The following PLBD1 variants were observed in gnomAD, a reference collection of about 807,000 sequenced individuals.
PLBD1 encodes lysosomal leucine aminopeptidase.
Under a neutral mutation model 63.0 loss-of-function variants are expected in PLBD1, and 60 were observed. That is an observed-to-expected ratio of 0.95 (90% CI 0.77 to 1.18). The LOEUF is 1.18. PLBD1 is among the 50% of genes most tolerant of loss of function. The pLI is 0.00. For synonymous variants in PLBD1, 262 were observed against 248.0 expected (o/e 1.06, Z -0.53); for missense variants, 598 against 677.9 (o/e 0.88, Z 1.31).
chr12:14,519,412 A>T (rs994406460), intron 6 of PLBD1, among the ~76,000 whole-genome samples: 2 of 151,968 alleles, frequency 1.3e-5, no homozygotes, highest in African/African-American at 4.8e-5. Flanking sequence ...TGAGGTAAGG[A>T]GATCGAGACC....
At chr12:14,542,353 T>C in intron 2 of PLBD1, 62 bp from the exon 3 acceptor site, 1 of 1,303,450 alleles carries the variant, frequency 7.7e-7, no homozygotes, top group East Asian at 2.3e-5. Context: ...TCCATCACAG[T>C]AAATTATTCA....
In PLBD1 at chr12:14,542,188, A is replaced by T. The variant is rs367716679; in HGVS notation, c.419+20T>A. Reference sequence around the variant, plus strand: ...CTCCAACATTTAAAACAATGAAAAGAGAAAAGCTATTATACGTACTCCATA... The same window carrying T: ...CTCCAACATTTAAAACAATGAAAAGTGAAAAGCTATTATACGTACTCCATA... On this transcript the variant is annotated intron_variant, in intron 3 of 10. Coordinates refer to ENST00000240617, the MANE Select transcript of PLBD1 (RefSeq NM_024829.6). The T allele has an allele frequency of 4.4e-5, 69 of 1,562,962 alleles. No individual in the cohort carries two copies. The African/African-American group carries it at 8.5e-4, about 19-fold the overall frequency.
chr12:14,504,057 CTT>C, intron 10 of PLBD1, 103 bp from the exon 11 acceptor site: 1 of 1,148,794 alleles, frequency 8.7e-7, no homozygotes, highest in Non-Finnish European at 1.2e-6. Flanking sequence ...ACAATATTAG[CTT>C]TTTTTTTGAG....
At chr12:14,554,965 G>C (rs1266000954) in intron 1 of PLBD1, among the ~76,000 whole-genome samples, 1 of 151,966 alleles carries the variant, frequency 6.6e-6, no homozygotes, top group African/African-American at 2.4e-5. Flanking sequence ...TGATCTCCCA[G>C]CCTGAAATTT....
intron 5 of PLBD1, 58 bp from the exon 6 acceptor site, chr12:14,535,861 T>C (rs1945509889): frequency 1.3e-6 from 2 of 1,556,630 alleles, no homozygotes; most frequent in East Asian, 2.3e-5. Flanking sequence ...ACTGCAATTG[T>C]CTTAAGTGTA....
chr12:14,542,307 A>G lies in PLBD1; in HGVS notation c.336-16T>C. On this transcript the variant is annotated splice_polypyrimidine_tract_variant and intron_variant, in intron 2 of 10. Transcript: ENST00000240617. ...ATTCATGTGTCTGAAATGATACATG[A>G]AAATTATTACATTTATATTTTTCTT... 1 of 1,552,992 alleles carries G rather than the reference A, an allele frequency of 6.4e-7. No homozygotes were observed.
At chr12:14,557,766 C>G (rs1945716889) in intron 1 of PLBD1, among the ~76,000 whole-genome samples, 1 of 152,146 alleles carries the variant, frequency 6.6e-6, no homozygotes, top group African/African-American at 2.4e-5. Context: ...ATAATTCATA[C>G]AATGACTCCT....
chr12:14,517,918 C>T (rs1591996153), intron 6 of PLBD1, among the ~76,000 whole-genome samples: 1 of 152,192 alleles, frequency 6.6e-6, no homozygotes, highest in South Asian at 2.1e-4. Flanking sequence ...CAGTGGCTCA[C>T]GCCTGTAATT....
At chr12:14,537,408 G>T (rs1371782745) in intron 4 of PLBD1, among the ~76,000 whole-genome samples, 2 of 152,212 alleles carry the variant, frequency 1.3e-5, no homozygotes, top group Non-Finnish European at 2.9e-5. Flanking sequence ...GGTACCAGCA[G>T]CAACTTCACA....
chr12:14,553,462 T>C (rs1945676828), intron 1 of PLBD1, 50 bp from the exon 2 acceptor site: 1 of 1,416,826 alleles, frequency 7.1e-7, no homozygotes, highest in East Asian at 2.3e-5. Context: ...TGAGTTGTGA[T>C]GCATTTTTTT....
chr12:14,504,160 C>T (rs1418651455), intron 10 of PLBD1, among the ~76,000 whole-genome samples: 1 of 152,148 alleles, frequency 6.6e-6, no homozygotes, highest in Non-Finnish European at 1.5e-5. Flanking sequence ...AGCAATTCTC[C>T]TGCCTCAGCC....
At chr12:14,551,661 A>G (rs1301511744) in intron 2 of PLBD1, among the ~76,000 whole-genome samples, 1 of 151,234 alleles carries the variant, frequency 6.6e-6, no homozygotes, top group Non-Finnish European at 1.5e-5. Flanking sequence ...GGAAACGTGC[A>G]TTCTTAGAAC....
At chr12:14,542,126 G>T in intron 3 of PLBD1, 82 bp downstream of exon 3, 1 of 1,186,730 alleles carries the variant, frequency 8.4e-7, no homozygotes, top group Non-Finnish European at 1.2e-6. Flanking sequence ...AAAAGAAATT[G>T]GCAAAAAATT....
At chr12:14,511,422 AG>A in intron 7 of PLBD1, 22 bp from the exon 8 acceptor site, 1 of 1,613,364 alleles carries the variant, frequency 6.2e-7, no homozygotes, top group South Asian at 1.1e-5. Flanking sequence ...GGAAACATGA[AG>A]ACGGGGCATG....
chr12:14,537,088 C>CA (rs371859037), intron 4 of PLBD1, among the ~76,000 whole-genome samples: 1,019 of 52,392 alleles, frequency 0.019, 12 homozygotes, highest in African/African-American at 0.036. Context: ...GACCGCATCT[C>CA]AAAAAAAAAA....
chr12:14,557,922 C>T (rs1002670814), intron 1 of PLBD1, among the ~76,000 whole-genome samples: 7 of 152,012 alleles, frequency 4.6e-5, no homozygotes, highest in African/African-American at 1.7e-4. Context: ...CATAAAGACA[C>T]TTGCATACGT....
rs750925648 is a variant in PLBD1, at chr12:14,511,719, A to G, written c.845-8T>C. Reference sequence around the variant, plus strand: ...CCAGAGACTCCAAAAACCCTACAGGAAAGACAAATATACACATCAGCATAT... The same window carrying G: ...CCAGAGACTCCAAAAACCCTACAGGGAAGACAAATATACACATCAGCATAT... On this transcript the variant is annotated splice_polypyrimidine_tract_variant and splice_region_variant and intron_variant, in intron 6 of 10. Transcript: ENST00000240617. 6.2e-7 allele frequency: 1 copy of G among 1,610,710 alleles called. No individual in the cohort carries two copies. The highest frequency in any genetic ancestry group is 8.5e-7 in the Non-Finnish European group (1 of 1,177,064).
At chr12:14,527,859 A>G (rs981301947) in intron 6 of PLBD1, among the ~76,000 whole-genome samples, 3 of 152,092 alleles carry the variant, frequency 2.0e-5, no homozygotes, top group African/African-American at 7.2e-5. Flanking sequence ...TACAAGATGA[A>G]AACAGTAAGC....
At chr12:14,559,129 G>C (rs1945728288) in intron 1 of PLBD1, among the ~76,000 whole-genome samples, 1 of 152,146 alleles carries the variant, frequency 6.6e-6, no homozygotes, top group Admixed American at 6.5e-5. Context: ...TTCATGATGG[G>C]AGGTGGCTGG....
Sources: allele counts gnomAD v4.1 joint callset (sites outside exome capture counted in the v4.1 genomes callset), GRCh38; gene constraint gnomAD v4.1.1; transcripts MANE v1.5; gene names NCBI Gene and HGNC (gene_info 2026-07-23, HGNC 2026-07-21).